Variants in CREB3L2 observed in about 807,000 individuals in gnomAD.
CREB3L2 encodes cyclic AMP-responsive element-binding protein 3-like protein 2.
A neutral mutation model predicts 57.2 loss-of-function variants in CREB3L2; 23 were observed. The ratio of observed to expected loss-of-function variants is 0.40; its 90% CI spans 0.29 to 0.57. The LOEUF (loss-of-function observed/expected upper bound fraction) is 0.57, where lower values mean the gene tolerates loss of function less well. Ranked by LOEUF, CREB3L2 falls within the 20% of genes least tolerant of loss-of-function variation. CREB3L2 has a pLI of 0.42. For synonymous variants in CREB3L2, 268 were observed against 265.1 expected (o/e 1.01, Z -0.11); for missense variants, 628 against 634.7 (o/e 0.99, Z 0.11).
intron 1 of CREB3L2, among the ~76,000 whole-genome samples, chr7:137,989,348 C>T (rs561017625): frequency 1.8e-4 from 28 of 151,962 alleles, no homozygotes; most frequent in Non-Finnish European, 3.5e-4. Context: ...GAATAGCACA[C>T]TCAACCCTTA....
At chr7:137,961,005 A>G (rs1801312677) in intron 1 of CREB3L2, among the ~76,000 whole-genome samples, 1 of 151,508 alleles carries the variant, frequency 6.6e-6, no homozygotes, top group African/African-American at 2.4e-5. Flanking sequence ...GGGTTTCACT[A>G]TGTTGGCCAG....
At chr7:137,999,498 A>G (rs761603747) in intron 1 of CREB3L2, among the ~76,000 whole-genome samples, 1 of 152,002 alleles carries the variant, frequency 6.6e-6, no homozygotes, top group Non-Finnish European at 1.5e-5. Flanking sequence ...TATTCCACAA[A>G]TATTAATCGA....
intron 8 of CREB3L2, among the ~76,000 whole-genome samples, chr7:137,898,470 C>T (rs777529581): frequency 6.6e-6 from 1 of 152,182 alleles, no homozygotes; most frequent in Non-Finnish European, 1.5e-5. Flanking sequence ...TGTTCATTAA[C>T]GATGAAGAGT....
At chr7:137,957,093 G>A (rs2117280377) in intron 1 of CREB3L2, among the ~76,000 whole-genome samples, 2 of 152,188 alleles carry the variant, frequency 1.3e-5, no homozygotes, top group East Asian at 3.9e-4. Flanking sequence ...GGTCTAGTCA[G>A]ATGTAATGAT....
At chr7:137,951,589 G>A (rs1585652923) in intron 1 of CREB3L2, among the ~76,000 whole-genome samples, 2 of 152,158 alleles carry the variant, frequency 1.3e-5, no homozygotes, top group Admixed American at 6.5e-5. Flanking sequence ...TATAAGTATG[G>A]TATATAAGCT....
At chr7:137,922,416 GTA>G (rs1179011567) in intron 2 of CREB3L2, among the ~76,000 whole-genome samples, 310 of 17,196 alleles carry the variant, frequency 0.018, 2 homozygotes, top group Middle Eastern at 0.1. Flanking sequence ...ATATATATAT[GTA>G]TATATATATA....
chr7:137,879,204 A>G lies in CREB3L2; in HGVS notation c.*1272T>C, dbSNP rs749600344. ...CAAAAAAACTAAAAGTAGGTTGGGG[A>G]TTAGGTTGTATCTCTTTGGGCGAGC... On this transcript the variant is annotated 3_prime_UTR_variant, in exon 12 of 12. Coordinates refer to ENST00000330387, the MANE Select transcript of CREB3L2 (RefSeq NM_194071.4). 17 of 533,250 alleles carry G rather than the reference A, an allele frequency of 3.2e-5. No individual in the cohort carries two copies. Among genetic ancestry groups the G allele is most frequent in the South Asian group, 2.5e-4 (16 of 64,256 alleles). The allele number at this position is 533,250 out of a possible 1,614,324, so 33.0% of individuals were successfully genotyped here. A position where few individuals can be genotyped will look rare whatever the true frequency, so the allele number is the denominator to read the frequency against.
intron 11 of CREB3L2, among the ~76,000 whole-genome samples, chr7:137,882,086 G>T (rs139015299): frequency 3.5e-4 from 54 of 152,314 alleles, no homozygotes; most frequent in African/African-American, 1.2e-3. Context: ...TGGTTACCTG[G>T]GCTGTGCATT....
chr7:137,940,854 A>C (rs1011980599), intron 1 of CREB3L2, among the ~76,000 whole-genome samples: 4 of 152,186 alleles, frequency 2.6e-5, no homozygotes, highest in South Asian at 2.1e-4. Flanking sequence ...CACACTGGGG[A>C]AAAGGGAAAG....
At chr7:137,943,264 C>A (rs1585647140) in intron 1 of CREB3L2, among the ~76,000 whole-genome samples, 1 of 152,250 alleles carries the variant, frequency 6.6e-6, no homozygotes, top group East Asian at 1.9e-4. Context: ...AGTAAAACAG[C>A]CTGAAAATAA....
chr7:137,990,853 A>T (rs1334252263), intron 1 of CREB3L2, among the ~76,000 whole-genome samples: 1 of 152,186 alleles, frequency 6.6e-6, no homozygotes, highest in Non-Finnish European at 1.5e-5. Context: ...GAAATGTGAA[A>T]AACCAGGATT....
At chr7:137,944,039 A>G (rs1215326261) in intron 1 of CREB3L2, among the ~76,000 whole-genome samples, 1 of 152,174 alleles carries the variant, frequency 6.6e-6, no homozygotes, top group Non-Finnish European at 1.5e-5. Flanking sequence ...TTCACTGTCT[A>G]AAGACCCACC....
chr7:137,940,829 T>A (rs1048056995), intron 1 of CREB3L2, among the ~76,000 whole-genome samples: 1 of 152,180 alleles, frequency 6.6e-6, no homozygotes, highest in Admixed American at 6.5e-5. Flanking sequence ...TGAGATAATC[T>A]CATCCCTAGA....
chr7:137,959,183 T>C (rs1181181402), intron 1 of CREB3L2, among the ~76,000 whole-genome samples: 1 of 152,234 alleles, frequency 6.6e-6, no homozygotes, highest in African/African-American at 2.4e-5. Context: ...TCTCTGCTCT[T>C]TGATTCTGCA....
chr7:137,896,669 C>T (rs2352134), intron 8 of CREB3L2, among the ~76,000 whole-genome samples: 21,294 of 152,034 alleles, frequency 0.14, 4,617 homozygotes, highest in African/African-American at 0.46. Flanking sequence ...GAATCCATTG[C>T]CAGCCATTAC....
intron 2 of CREB3L2, among the ~76,000 whole-genome samples, chr7:137,920,060 A>C (rs903189466): frequency 6.6e-6 from 1 of 152,168 alleles, no homozygotes; most frequent in African/African-American, 2.4e-5. Context: ...GGGTGTTTAG[A>C]AGCCCTTGAC....
chr7:137,978,592 C>A (rs1236795000), intron 1 of CREB3L2, among the ~76,000 whole-genome samples: 1 of 152,122 alleles, frequency 6.6e-6, no homozygotes, highest in East Asian at 1.9e-4. Context: ...CATGTCATAT[C>A]GTTTTCAAAT....
chr7:138,001,546 C>G lies in CREB3L2; in HGVS notation c.102+58G>C. On this transcript the variant is annotated intron_variant, in intron 1 of 11. Coordinates refer to ENST00000330387, the MANE Select transcript of CREB3L2 (RefSeq NM_194071.4). The surrounding 1 kb of genome is among the most constrained non-coding windows in gnomAD (Gnocchi z 4.2). ...GGGTCCCAGGACTCCAGCTGCTCCT[C>G]GCGTGACAACACTTGCCCGCTTTGA... The G allele has an allele frequency of 7.4e-7, 1 of 1,347,062 alleles. No individual in the cohort carries two copies. The highest frequency in any genetic ancestry group is 1.3e-5 in the South Asian group (1 of 77,832). The allele number at this position is 1,347,062 out of a possible 1,614,324, so 83.4% of individuals were successfully genotyped here.
chr7:137,970,417 A>G (rs1366908449), intron 1 of CREB3L2, among the ~76,000 whole-genome samples: 1 of 152,242 alleles, frequency 6.6e-6, no homozygotes, highest in Admixed American at 6.5e-5. Context: ...ATTGGAATCA[A>G]TCCAGACATC....
Sources: gnomAD v4.1 joint callset for allele counts (sites outside exome capture counted in the v4.1 genomes callset) on GRCh38, gnomAD v4.1.1 for gene constraint, Gnocchi (gnomAD v3.1) non-coding constraint, MANE v1.5 for transcripts, NCBI Gene and HGNC (gene_info 2026-07-23, HGNC 2026-07-21) for gene names.